DEK: variants seen among roughly 807,000 people sequenced by gnomAD.
DEK encodes the protein DEK proto-oncogene.
In DEK, 28 loss-of-function variants were observed where a neutral mutation model predicts 46.8. The observed-to-expected ratio is 0.60, with a 90% confidence interval of 0.44 to 0.82. DEK has a LOEUF of 0.82. DEK is among the 40% of genes least tolerant of loss of function. The pLI is 0.00. For synonymous variants in DEK, 160 were observed against 144.5 expected, an observed-to-expected ratio of 1.11 and a Z score of -0.77; for missense variants, 416 against 430.6, an observed-to-expected ratio of 0.97 and a Z score of 0.30.
chr6:18,254,403 A>G (rs1157918637), intron 6 of DEK, among the ~76,000 whole-genome samples: 1 of 152,206 alleles, frequency 6.6e-6, no homozygotes, highest in African/African-American at 2.4e-5. Flanking sequence ...AATGGTAATC[A>G]AGCTGTTTTC....
At chr6:18,229,150 T>TC (rs1790280034) in intron 9 of DEK, among the ~76,000 whole-genome samples, 2 of 151,974 alleles carry the variant, frequency 1.3e-5, no homozygotes, top group South Asian at 2.1e-4. Context: ...TCCAGCAAAC[T>TC]CCAACAGACC....
At chr6:18,261,594 CACAG>C (rs1396049159) in intron 2 of DEK, among the ~76,000 whole-genome samples, 1 of 152,078 alleles carries the variant, frequency 6.6e-6, no homozygotes, top group Non-Finnish European at 1.5e-5. Context: ...AACAAACAAA[CACAG>C]AAAAACAAAA....
chr6:18,262,210 C>G (rs995663682), intron 2 of DEK, among the ~76,000 whole-genome samples: 1 of 151,430 alleles, frequency 6.6e-6, no homozygotes. Flanking sequence ...CGCCATGCTT[C>G]TTGTACTGTC....
At chr6:18,237,860 C>CTTTTTTTTTTTTTTT (rs60332682) in intron 7 of DEK, among the ~76,000 whole-genome samples, 2 of 88,472 alleles carry the variant, frequency 2.3e-5, no homozygotes, top group Non-Finnish European at 4.2e-5. Context: ...CAACTGGAAT[C>CTTTTTTTTTTTTTTT]TTTTTTTTTT....
At chr6:18,253,651 AAG>A (rs1359686045) in intron 6 of DEK, among the ~76,000 whole-genome samples, 5 of 152,216 alleles carry the variant, frequency 3.3e-5, no homozygotes, top group Admixed American at 2.6e-4. Context: ...TGGTATCAAA[AAG>A]AGAATATACA....
rs866987747 is a variant in DEK at position 18,230,195 on chromosome 6, A to C, written c.1048-3953T>G. Among the ~76,000 whole-genome samples the C allele has an allele frequency of 2.6e-4, 40 of 152,314 alleles. No individual in the cohort carries two copies. The Middle Eastern group carries it at 0.014, about 52-fold the overall frequency. ...GCAAATGCTGAGAGATTTTGTCACC[A>C]CCAGGCCTGCCTTACAAGAGCTCCT... is the stretch of plus-strand genomic sequence containing the variant. On this transcript the variant is annotated intron_variant, in intron 9 of 10. Coordinates refer to ENST00000652689, the MANE Select transcript of DEK (RefSeq NM_003472.4).
intron 9 of DEK, among the ~76,000 whole-genome samples, chr6:18,230,693 A>G (rs956711124): frequency 6.6e-6 from 1 of 152,208 alleles, no homozygotes; most frequent in Non-Finnish European, 1.5e-5. Context: ...CTAAATATAT[A>G]TGCACCCAAT....
intron 2 of DEK, among the ~76,000 whole-genome samples, chr6:18,263,365 A>G (rs952667112): frequency 6.6e-5 from 10 of 152,218 alleles, no homozygotes; most frequent in Non-Finnish European, 1.2e-4. Flanking sequence ...AAAATATTCG[A>G]AAGTATTCAA....
intron 9 of DEK, among the ~76,000 whole-genome samples, chr6:18,228,639 A>G (rs1487633691): frequency 6.6e-6 from 1 of 152,224 alleles, no homozygotes; most frequent in Non-Finnish European, 1.5e-5. Flanking sequence ...GGAAGCTGTG[A>G]TAGACGGCAC....
intron 1 of DEK, 134 bp downstream of exon 1, chr6:18,264,251 T>TCCCGG (rs933617942): frequency 8.2e-5 from 20 of 243,574 alleles, no homozygotes; most frequent in East Asian, 5.7e-4. Context: ...CCTGCGCTGT[T>TCCCGG]CCCGGCCCGG....
At chr6:18,230,871 G>A (rs1790386241) in intron 9 of DEK, among the ~76,000 whole-genome samples, 2 of 152,322 alleles carry the variant, frequency 1.3e-5, no homozygotes, top group East Asian at 3.9e-4. Context: ...TCTGCACCAA[G>A]CGGACCTAAC....
rs200071802 is a variant in DEK, at chr6:18,249,645, T to C, written c.762+6A>G. On this transcript the variant is annotated splice_donor_region_variant and intron_variant, in intron 7 of 10. Transcript: ENST00000652689. The stretch of plus-strand genomic sequence containing the variant: ...AATGATTTAAAAATATAGTAAAATA[T>C]TTTACCTCCTCTTCACTTTCTTTAT... The C allele has an allele frequency of 1.2e-5, 19 of 1,567,562 alleles. No individual in the cohort carries two copies. In the Middle Eastern group the frequency reaches 1.5e-3, roughly 127 times the overall value.
rs113396269 is a variant in DEK, at chr6:18,263,734, G to A, written c.145+109C>T. On this transcript the variant is annotated intron_variant, in intron 2 of 10. Transcript: ENST00000652689. ...ACACATTCTCGCTGAAAATCACTCC[G>A]ACTTCACGCCTCTAAACACCAAAAG... The A allele has an allele frequency of 5.8e-5, 93 of 1,592,278 alleles. 3 individuals carry two copies. The African/African-American group carries it at 6.1e-4, about 10-fold the overall frequency.
At chr6:18,238,221 T>C (rs1790749463) in intron 7 of DEK, among the ~76,000 whole-genome samples, 1 of 152,150 alleles carries the variant, frequency 6.6e-6, no homozygotes, top group Non-Finnish European at 1.5e-5. Context: ...GTCTCTGGTA[T>C]ACAGTAGTTG....
intron 9 of DEK, among the ~76,000 whole-genome samples, chr6:18,234,526 C>T (rs759145522): frequency 1.1e-4 from 17 of 152,220 alleles, no homozygotes; most frequent in Non-Finnish European, 1.6e-4. Flanking sequence ...GGCTCCTCCC[C>T]CTGGAGCTCC....
intron 9 of DEK, among the ~76,000 whole-genome samples, chr6:18,235,469 T>A (rs1790605884): frequency 6.6e-6 from 1 of 152,200 alleles, no homozygotes; most frequent in African/African-American, 2.4e-5. Flanking sequence ...AAGATGCTTT[T>A]CCAGATTCCC....
At chr6:18,242,077 A>G (rs1641472797) in intron 7 of DEK, among the ~76,000 whole-genome samples, 1 of 152,254 alleles carries the variant, frequency 6.6e-6, no homozygotes, top group Admixed American at 6.5e-5. Context: ...CTCTGAAGAT[A>G]GAAGTACATA....
chr6:18,247,411 C>A (rs946658767), intron 7 of DEK, among the ~76,000 whole-genome samples: 8 of 152,088 alleles, frequency 5.3e-5, no homozygotes, highest in African/African-American at 1.2e-4. Context: ...ATTTCATACA[C>A]CTAATGTCTG....
intron 6 of DEK, among the ~76,000 whole-genome samples, chr6:18,252,603 G>A (rs113017971): frequency 3.9e-4 from 58 of 147,846 alleles, no homozygotes; most frequent in African/African-American, 1.3e-3. Flanking sequence ...ATGAAAAACT[G>A]ACATAAGAGT....
Sources: allele counts gnomAD v4.1 joint callset (sites outside exome capture counted in the v4.1 genomes callset), GRCh38; gene constraint gnomAD v4.1.1; transcripts MANE v1.5; gene names NCBI Gene and HGNC (gene_info 2026-07-23, HGNC 2026-07-21).